Variants in L3MBTL3 observed in about 807,000 individuals in gnomAD.
The protein encoded by L3MBTL3 is lethal(3)malignant brain tumor-like protein 3.
L3MBTL3 carries 27 observed loss-of-function variants against 102.3 expected under a neutral mutation model. The ratio of observed to expected loss-of-function variants is 0.26; its 90% CI spans 0.19 to 0.36. L3MBTL3 has a LOEUF of 0.36. L3MBTL3 is among the 10% of genes least tolerant of loss of function. L3MBTL3 has a pLI of 1.00. For missense variants in L3MBTL3, 798 were observed against 955.3 expected (o/e 0.84, Z 2.17); for synonymous variants, 340 against 320.9 (o/e 1.06, Z -0.64).
intron 10 of L3MBTL3, 67 bp from the exon 11 acceptor site, chr6:130,066,286 G>GTATCTATATATATA (rs1554227524): frequency 2.9e-6 from 1 of 345,374 alleles, no homozygotes; most frequent in Non-Finnish European, 4.6e-6. Context: ...TTATTTTTGT[G>GTATCTATATATATA]TATATATATA....
At chr6:130,065,216 C>G (rs1782169372) in intron 10 of L3MBTL3, among the ~76,000 whole-genome samples, 1 of 152,162 alleles carries the variant, frequency 6.6e-6, no homozygotes, top group Non-Finnish European at 1.5e-5. Context: ...CTTTTCACTA[C>G]CACTTCCTAG....
At chr6:130,074,340 A>G (rs975343009) in intron 13 of L3MBTL3, among the ~76,000 whole-genome samples, 1 of 152,242 alleles carries the variant, frequency 6.6e-6, no homozygotes, top group Admixed American at 6.5e-5. Context: ...GGAAAATAGC[A>G]TATATTAGAA....
intron 8 of L3MBTL3, 80 bp downstream of exon 8, chr6:130,055,335 C>A: frequency 3.0e-6 from 3 of 998,836 alleles, no homozygotes; most frequent in South Asian, 1.5e-5. Context: ...TTTAGTCATG[C>A]CACTTAAAGT....
chr6:130,083,819 C>T (rs776887882), intron 15 of L3MBTL3, 114 bp downstream of exon 15: 13 of 482,726 alleles, frequency 2.7e-5, no homozygotes, highest in Non-Finnish European at 4.5e-5. Flanking sequence ...AAAAATAGAG[C>T]ACCAAATAAG....
At chr6:130,067,957 C>T (rs1782374894) in intron 11 of L3MBTL3, among the ~76,000 whole-genome samples, 2 of 151,986 alleles carry the variant, frequency 1.3e-5, no homozygotes. Flanking sequence ...GTTAGTCTTC[C>T]CAAAATAGAC....
At chr6:130,105,833 A>G (rs866086739) in intron 19 of L3MBTL3, among the ~76,000 whole-genome samples, 32 of 152,318 alleles carry the variant, frequency 2.1e-4, no homozygotes, top group African/African-American at 7.7e-4. Context: ...TAGGTTTTTC[A>G]ATAATTGTCT....
chr6:130,079,508 A>G (rs1168355217), intron 14 of L3MBTL3, among the ~76,000 whole-genome samples: 1 of 152,176 alleles, frequency 6.6e-6, no homozygotes, highest in East Asian at 1.9e-4. Flanking sequence ...TGCGTACATC[A>G]CTACTCAAGG....
At chr6:130,117,931 G>A (rs141628999) in intron 19 of L3MBTL3, among the ~76,000 whole-genome samples, 21 of 124,010 alleles carry the variant, frequency 1.7e-4, no homozygotes, top group Non-Finnish European at 2.2e-4. Context: ...GGCTGGCCTC[G>A]AATTCCTGGA....
At chr6:130,099,576 G>A (rs1784564746) in intron 18 of L3MBTL3, among the ~76,000 whole-genome samples, 1 of 152,136 alleles carries the variant, frequency 6.6e-6, no homozygotes, top group Non-Finnish European at 1.5e-5. Context: ...TATGTCACTT[G>A]TGTTCTTTGA....
chr6:130,111,766 A>G (rs1212840145), intron 19 of L3MBTL3, among the ~76,000 whole-genome samples: 1 of 152,158 alleles, frequency 6.6e-6, no homozygotes, highest in Non-Finnish European at 1.5e-5. Flanking sequence ...CTCAGATTTG[A>G]GGTCCTATCT....
chr6:130,051,360 C>G lies in L3MBTL3; in HGVS notation c.401C>G (p.Ser134Cys). 6.2e-7 allele frequency: 1 copy of G among 1,614,046 alleles called. No homozygotes were observed. The highest frequency in any genetic ancestry group is 8.5e-7 in the Non-Finnish European group (1 of 1,179,930). The change falls in exon 6 of 23, where the codon TCT becomes TGT. Residue 134 changes from serine to cysteine, a missense_variant. By Grantham distance (112) the Ser-to-Cys change is moderately radical. This residue lies in a region of L3MBTL3 where 434 missense variants were observed against 506.6 expected (regional missense o/e 0.86). Coordinates refer to ENST00000361794, the MANE Select transcript of L3MBTL3 (RefSeq NM_032438.4). ...CQYGNVDECL[S>C]GGNYCSQNCA... is the part of the protein sequence containing the mutation. ...TATGGCAACGTAGATGAGTGTCTTT[C>G]TGGAGGAAACTATTGCAGCCAGAAT...
In L3MBTL3 at chr6:130,115,692, A is replaced by C. The variant is rs558455883; in HGVS notation, c.1887-5187A>C. On this transcript the variant is annotated intron_variant, in intron 19 of 22. Transcript: ENST00000361794. ...AAAAAGAAAATACTGAGTCATAAAG[A>C]ATACATTTTTCCATTCAAGTGGATT... Among the ~76,000 whole-genome samples the C allele has an allele frequency of 3.3e-5, 5 of 152,358 alleles. No homozygotes were observed. The South Asian group carries it at 6.2e-4, about 19-fold the overall frequency.
intron 19 of L3MBTL3, among the ~76,000 whole-genome samples, chr6:130,110,752 G>A (rs1201195358): frequency 6.6e-6 from 1 of 152,172 alleles, no homozygotes; most frequent in African/African-American, 2.4e-5. Context: ...GATGAGAGAG[G>A]GCATCCTTGT....
Position 130,080,905 on chromosome 6 carries a change from C to T in L3MBTL3, c.1321+2271C>T, listed in dbSNP as rs888198716. Among the ~76,000 whole-genome samples, 3 of 152,150 alleles carry T rather than the reference C, an allele frequency of 2.0e-5. 1 individual carries two copies. The South Asian group carries it at 6.2e-4, about 32-fold the overall frequency. The stretch of plus-strand genomic sequence containing the variant: ...CTTTGCCCCATAACAAAAAAGACAC[C>T]CTTTCTCTGATCTGTTTTCTCTAAG... On this transcript the variant is annotated intron_variant, in intron 14 of 22. Transcript: ENST00000361794.
intron 16 of L3MBTL3, among the ~76,000 whole-genome samples, chr6:130,090,589 TTTTTTCTTTTC>T (rs1465321224): frequency 2.0e-5 from 3 of 152,106 alleles, no homozygotes; most frequent in Non-Finnish European, 4.4e-5. Context: ...CTTCTTCTTC[TTTTTTCTTTTC>T]TTTTTCTTTT....
chr6:130,058,454 A>C (rs1333911921), intron 9 of L3MBTL3, among the ~76,000 whole-genome samples: 3 of 151,590 alleles, frequency 2.0e-5, no homozygotes, highest in East Asian at 3.9e-4. Flanking sequence ...TCTGAGCAAC[A>C]TAGTGAGACT....
chr6:130,139,934 T>C lies in L3MBTL3; in HGVS notation c.*181T>C. The C allele has an allele frequency of 1.9e-6, 1 of 520,288 alleles. No homozygotes were observed. The highest frequency in any genetic ancestry group is 3.4e-6 in the Non-Finnish European group (1 of 297,696). 32.2% of individuals were successfully genotyped at this position (520,288 alleles called of 1,614,324 possible). A position where few individuals can be genotyped will look rare whatever the true frequency, so the allele number is the denominator to read the frequency against. On this transcript the variant is annotated 3_prime_UTR_variant, in exon 23 of 23. Coordinates refer to ENST00000361794, the MANE Select transcript of L3MBTL3 (RefSeq NM_032438.4). ...AATTCTTATGAAAGTGCTTGAGCTT[T>C]TAACCAGGTACTGTCTAACAACAGT...
In L3MBTL3 at chr6:130,078,599, G is replaced by A. The variant is rs2115066673; in HGVS notation, c.1286G>A (p.Cys429Tyr). The A allele has an allele frequency of 1.2e-6, 2 of 1,611,534 alleles. No homozygotes were observed. Among genetic ancestry groups the A allele is most frequent in the Non-Finnish European group, 8.5e-7 (1 of 1,178,108 alleles). The change falls in exon 14 of 23, where the codon TGT becomes TAT. Residue 429 changes from cysteine (C) to tyrosine (Y), a missense_variant. Coordinates refer to ENST00000361794, the MANE Select transcript of L3MBTL3 (RefSeq NM_032438.4). ...SSPHIHPVGW[C>Y]KEHRRTLITP... ...CCACATATTCATCCAGTTGGTTGGT[G>A]TAAGGAACATAGAAGAACCCTTATT...
At position 130,094,393 on chromosome 6, in the gene L3MBTL3, G is replaced by A. The variant is rs374608991; in HGVS notation, c.1736+26G>A. On this transcript the variant is annotated intron_variant, in intron 18 of 22. Coordinates refer to ENST00000361794, the MANE Select transcript of L3MBTL3 (RefSeq NM_032438.4). ...GTATGTGGTAGCTGTCACTCACTTG[G>A]TCAGATATAGGTGTTCCATATACAT... 79 of 1,514,894 alleles carry A rather than the reference G, an allele frequency of 5.2e-5. No individual in the cohort carries two copies. In the South Asian group the frequency reaches 5.3e-4, roughly 10 times the overall value. The allele number at this position is 1,514,894 out of a possible 1,614,324, so 93.8% of individuals were successfully genotyped here.
Sources: allele counts gnomAD v4.1 joint callset (sites outside exome capture counted in the v4.1 genomes callset), GRCh38; gene constraint gnomAD v4.1.1; regional missense constraint gnomAD v4.1.1; transcripts MANE v1.5; gene names NCBI Gene and HGNC (gene_info 2026-07-23, HGNC 2026-07-21).